The following CRTC3 variants were observed in gnomAD, a reference collection of about 807,000 sequenced individuals.
The protein encoded by CRTC3 is CREB regulated transcription coactivator 3, also known as CREB-regulated transcription coactivator 3.
CRTC3 carries 26 observed loss-of-function variants against 74.5 expected under a neutral mutation model. The ratio of observed to expected loss-of-function variants is 0.35; its 90% CI spans 0.26 to 0.48. The LOEUF (loss-of-function observed/expected upper bound fraction) is 0.48. Among genes scored for constraint, CRTC3 ranks in the 20% least tolerant of loss-of-function variants. The probability of loss-of-function intolerance (pLI) is 0.99; values close to 1 mark genes in which losing one functional copy is unlikely to be tolerated. For synonymous variants in CRTC3, 377 were observed against 325.8 expected (o/e 1.16, Z -1.69); for missense variants, 760 against 787.3 (o/e 0.97, Z 0.41).
At chr15:90,594,008 G>A (rs946121131) in intron 3 of CRTC3, 3 of 323,308 alleles carry the variant, frequency 9.3e-6, no homozygotes, top group South Asian at 8.0e-5. Flanking sequence ...CCTGTAATTC[G>A]GTCCCATTGC....
At chr15:90,607,126 T>A (rs952169009) in intron 5 of CRTC3, among the ~76,000 whole-genome samples, 11 of 152,186 alleles carry the variant, frequency 7.2e-5, no homozygotes, top group African/African-American at 2.4e-4. Context: ...CTTGTTGAAC[T>A]TGATCGCCAT....
chr15:90,631,020 A>G (rs1218511784), intron 11 of CRTC3, among the ~76,000 whole-genome samples: 1 of 15,988 alleles, frequency 6.3e-5, no homozygotes, highest in African/African-American at 1.2e-4. Context: ...CTCATGATCC[A>G]CCCGCCTCGG....
intron 2 of CRTC3, among the ~76,000 whole-genome samples, chr15:90,568,962 T>A (rs1967190283): frequency 6.6e-6 from 1 of 151,926 alleles, no homozygotes; most frequent in African/African-American, 2.4e-5. Flanking sequence ...CTTAATAGAC[T>A]ACAGTATGGT....
intron 3 of CRTC3, among the ~76,000 whole-genome samples, chr15:90,600,072 T>A (rs1968028197): frequency 6.6e-6 from 1 of 152,262 alleles, no homozygotes; most frequent in South Asian, 2.1e-4. Context: ...TTGCCTCATC[T>A]GTACTTCATG....
At chr15:90,542,240 G>A (rs1040198296) in intron 2 of CRTC3, among the ~76,000 whole-genome samples, 4 of 149,142 alleles carry the variant, frequency 2.7e-5, no homozygotes, top group Admixed American at 1.3e-4. Flanking sequence ...GTGCAATAGC[G>A]CGATCTCAGC....
At chr15:90,584,407 T>C (rs1031534998) in intron 2 of CRTC3, among the ~76,000 whole-genome samples, 2 of 152,164 alleles carry the variant, frequency 1.3e-5, no homozygotes, top group African/African-American at 4.8e-5. Flanking sequence ...TTGGCTAATC[T>C]TGTATTTTTA....
At chr15:90,606,785 A>C (rs1596119864) in intron 5 of CRTC3, 1 of 152,246 alleles carries the variant, frequency 6.6e-6, no homozygotes, top group Admixed American at 6.5e-5. Flanking sequence ...ACCTTTTACA[A>C]ATCCCTCCAA....
intron 5 of CRTC3, among the ~76,000 whole-genome samples, chr15:90,606,171 G>A (rs777925891): frequency 6.6e-5 from 10 of 151,998 alleles, no homozygotes; most frequent in African/African-American, 1.9e-4. Flanking sequence ...CGAGAGAGTC[G>A]CTTGAACCCG....
Position 90,638,789 on chromosome 15 carries a change from A to G in CRTC3, c.1522A>G (p.Arg508Gly), listed in dbSNP as rs1240694175. ...PDVGFDQQSM[R>G]PGPAFPQQVP... ...TGTGGGTTTTGACCAGCAGTCCATG[A>G]GGCCAGGCCCTGCCTTTCCTCAACA... The change falls in exon 13 of 15, where the codon AGG becomes GGG. Residue 508 changes from arginine (R) to glycine (G), a missense_variant. Arg to Gly is a moderately radical substitution (Grantham distance 125). Transcript: ENST00000268184. 4 of 1,614,034 alleles carry G rather than the reference A, an allele frequency of 2.5e-6. No individual in the cohort carries two copies. In the African/African-American group the frequency reaches 5.3e-5, roughly 22 times the overall value.
chr15:90,614,822 G>C (rs1968447068), intron 7 of CRTC3, among the ~76,000 whole-genome samples: 1 of 152,124 alleles, frequency 6.6e-6, no homozygotes, highest in Non-Finnish European at 1.5e-5. Flanking sequence ...CCAGCACTTT[G>C]GGAGGCTGAG....
At chr15:90,558,308 A>G (rs1966937534) in intron 2 of CRTC3, among the ~76,000 whole-genome samples, 2 of 152,052 alleles carry the variant, frequency 1.3e-5, no homozygotes, top group Admixed American at 6.6e-5. Flanking sequence ...TTCTTTCAGT[A>G]TATTCTCAAC....
rs73490357 is a variant in CRTC3 at position 90,570,202 on chromosome 15, G to C, written c.232-23434G>C. Among the ~76,000 whole-genome samples, 308 of 152,198 alleles carry C rather than the reference G, an allele frequency of 2.0e-3. 2 individuals carry two copies. The highest frequency in any genetic ancestry group is 7.0e-3 in the African/African-American group (290 of 41,512). ...CTTCTGACACTACTTTTTTAAAAAT[G>C]TGGCTTAAAAAATTGTCAAGTAATG... On this transcript the variant is annotated intron_variant, in intron 2 of 14. Coordinates refer to ENST00000268184, the MANE Select transcript of CRTC3 (RefSeq NM_022769.5).
At chr15:90,612,082 G>A (rs1054076998) in intron 6 of CRTC3, among the ~76,000 whole-genome samples, 18 of 85,012 alleles carry the variant, frequency 2.1e-4, no homozygotes, top group East Asian at 8.6e-4. Flanking sequence ...CTCCTCCTCC[G>A]CCTCCTCCTC....
chr15:90,634,701 T>C, intron 11 of CRTC3: 1 of 673,804 alleles, frequency 1.5e-6, no homozygotes, highest in Non-Finnish European at 2.7e-6. Context: ...TAGAGCGGAG[T>C]ATGAGACTGA....
At chr15:90,566,623 A>G (rs764806202) in intron 2 of CRTC3, among the ~76,000 whole-genome samples, 16 of 151,730 alleles carry the variant, frequency 1.1e-4, no homozygotes, top group Non-Finnish European at 2.1e-4. Context: ...AATTGCTGCT[A>G]TAGAAGCTGC....
At chr15:90,544,855 T>A (rs1203910002) in intron 2 of CRTC3, among the ~76,000 whole-genome samples, 2 of 152,196 alleles carry the variant, frequency 1.3e-5, no homozygotes, top group African/African-American at 2.4e-5. Context: ...ATCTTAACCA[T>A]TTTTTAAAGT....
At chr15:90,542,579 A>T (rs1966820971) in intron 2 of CRTC3, among the ~76,000 whole-genome samples, 1 of 152,188 alleles carries the variant, frequency 6.6e-6, no homozygotes, top group Admixed American at 6.5e-5. Flanking sequence ...ACGTTGTTCT[A>T]TATAACCAAA....
At chr15:90,623,830 C>G (rs897254290) in intron 9 of CRTC3, among the ~76,000 whole-genome samples, 7 of 152,218 alleles carry the variant, frequency 4.6e-5, no homozygotes, top group African/African-American at 1.7e-4. Context: ...CCCTCCTAAA[C>G]TCAACCTCCC....
chr15:90,624,574 T>G (rs1353043558), intron 9 of CRTC3, among the ~76,000 whole-genome samples: 1 of 152,018 alleles, frequency 6.6e-6, no homozygotes, highest in African/African-American at 2.4e-5. Flanking sequence ...GGCAAACCCG[T>G]CCCCTCCACA....
Sources: gnomAD v4.1 joint callset for allele counts (sites outside exome capture counted in the v4.1 genomes callset) on GRCh38, gnomAD v4.1.1 for gene constraint, MANE v1.5 for transcripts, NCBI Gene and HGNC (gene_info 2026-07-23, HGNC 2026-07-21) for gene names.